Variants in UGT1A8 observed in about 807,000 individuals in gnomAD.
The protein encoded by UGT1A8 is UDP glucuronosyltransferase family 1 member A8, also known as UDP-glucuronosyltransferase 1A8.
In UGT1A8, 39 loss-of-function variants were observed where a neutral mutation model predicts 45.3. That is an observed-to-expected ratio of 0.86 (90% CI 0.67 to 1.12). The LOEUF is 1.12. UGT1A8 is among the 50% of genes most tolerant of loss of function. The pLI is 0.00. For missense variants in UGT1A8, 719 were observed against 664.9 expected (o/e 1.08, Z -0.90); for synonymous variants, 275 against 249.2 (o/e 1.10, Z -0.97).
chr2:233,693,591 A>C lies in UGT1A8; in HGVS notation c.856-73443A>C, dbSNP rs1484230221. 7 of 1,614,114 alleles carry C rather than the reference A, an allele frequency of 4.3e-6. No individual in the cohort carries two copies. The highest frequency in any genetic ancestry group is 5.9e-6 in the Non-Finnish European group (7 of 1,180,040). On this transcript the variant is annotated intron_variant, in intron 1 of 4. Coordinates refer to ENST00000373450, the MANE Select transcript of UGT1A8 (RefSeq NM_019076.5). Reference sequence around the variant, plus strand: ...CCTGTGTCCTACATTCCCAGGTGCTACACAAAGTTTTCAGACCACATGACT... The same window carrying C: ...CCTGTGTCCTACATTCCCAGGTGCTCCACAAAGTTTTCAGACCACATGACT...
At chr2:233,749,418 G>A (rs971310619) in intron 1 of UGT1A8, among the ~76,000 whole-genome samples, 1 of 151,768 alleles carries the variant, frequency 6.6e-6, no homozygotes, top group Non-Finnish European at 1.5e-5. Flanking sequence ...TAACTACATT[G>A]CTCAAAACTT....
intron 1 of UGT1A8, among the ~76,000 whole-genome samples, chr2:233,636,231 G>T (rs45520638): frequency 2.8e-5 from 4 of 143,490 alleles, no homozygotes; most frequent in Admixed American, 2.2e-4. Context: ...AGGTCCAAAA[G>T]CATTGCTGAA....
intron 1 of UGT1A8, chr2:233,719,231 G>C: frequency 6.2e-7 from 1 of 1,614,198 alleles, no homozygotes; most frequent in Middle Eastern, 1.6e-4. Context: ...ATGAGGCCCT[G>C]ATCAGGCACC....
chr2:233,715,336 GC>G (rs1476016122), intron 1 of UGT1A8, among the ~76,000 whole-genome samples: 1 of 152,010 alleles, frequency 6.6e-6, no homozygotes, highest in Admixed American at 6.6e-5. Flanking sequence ...TTAGATTGGT[GC>G]ATGTAGGTTT....
At chr2:233,707,076 G>A (rs2075939345) in intron 1 of UGT1A8, among the ~76,000 whole-genome samples, 1 of 152,120 alleles carries the variant, frequency 6.6e-6, no homozygotes, top group African/African-American at 2.4e-5. Context: ...ATCTGCATGT[G>A]CTCCACTTTG....
Position 233,673,533 on chromosome 2 carries a change from T to C in UGT1A8, c.855+54971T>C, listed in dbSNP as rs539148752. 2.6e-5 allele frequency among the ~76,000 whole-genome samples: 4 copies of C among 152,280 alleles called. No homozygotes were observed. The East Asian group carries it at 5.8e-4, about 22-fold the overall frequency. ...TACATGTAGGGTTACAGGATTTCCATGAATTGAGAAGGATTGGCATTTTTT... is the reference window on the plus strand; with the variant it reads ...TACATGTAGGGTTACAGGATTTCCACGAATTGAGAAGGATTGGCATTTTTT... On this transcript the variant is annotated intron_variant, in intron 1 of 4. Coordinates refer to ENST00000373450, the MANE Select transcript of UGT1A8 (RefSeq NM_019076.5).
chr2:233,742,782 C>G lies in UGT1A8; in HGVS notation c.856-24252C>G, dbSNP rs76952857. ...ATAATAAATGCATGTTGTTTTGAACCATCATTAAATTAAGCCAGAAGTATT... is the reference window on the plus strand; with the variant it reads ...ATAATAAATGCATGTTGTTTTGAACGATCATTAAATTAAGCCAGAAGTATT... On this transcript the variant is annotated intron_variant, in intron 1 of 4. Coordinates refer to ENST00000373450, the MANE Select transcript of UGT1A8 (RefSeq NM_019076.5). 2.0e-5 allele frequency: 3 copies of G among 152,908 alleles called. No individual in the cohort carries two copies. In the East Asian group the frequency reaches 5.8e-4, roughly 29 times the overall value. 9.5% of individuals were successfully genotyped at this position (152,908 alleles called of 1,614,324 possible). A position where few individuals can be genotyped will look rare whatever the true frequency, so the allele number is the denominator to read the frequency against.
chr2:233,718,539 A>G (rs2076661264), intron 1 of UGT1A8, among the ~76,000 whole-genome samples: 1 of 152,200 alleles, frequency 6.6e-6, no homozygotes, highest in African/African-American at 2.4e-5. Flanking sequence ...TGTGTTGGGA[A>G]TTGAATGAGA....
At chr2:233,623,046 T>G (rs2073037189) in intron 1 of UGT1A8, among the ~76,000 whole-genome samples, 1 of 152,094 alleles carries the variant, frequency 6.6e-6, no homozygotes, top group Non-Finnish European at 1.5e-5. Context: ...AGATATGTGG[T>G]GTTATTCCTG....
At chr2:233,760,900 A>G in intron 1 of UGT1A8, 1 of 1,613,770 alleles carries the variant, frequency 6.2e-7, no homozygotes, top group Non-Finnish European at 8.5e-7. Context: ...AGATCACATG[A>G]CCTTCCTGCA....
At chr2:233,718,634 G>A in intron 1 of UGT1A8, 1 of 1,457,400 alleles carries the variant, frequency 6.9e-7, no homozygotes, top group Non-Finnish European at 9.2e-7. Context: ...GTCTTTCCCA[G>A]GGTTGGGCCC....
rs1051929356 is a variant in UGT1A8, at chr2:233,682,576, C to T, written c.855+64014C>T. On this transcript the variant is annotated intron_variant, in intron 1 of 4. Transcript: ENST00000373450. ...AGAGAGTATGGAACCACATCATGCA[C>T]TTGGAGGAACATTTATTTTGCCCCT... The T allele has an allele frequency of 3.7e-6, 6 of 1,613,824 alleles. No homozygotes were observed. The African/African-American group carries it at 8.0e-5, about 22-fold the overall frequency.
At chr2:233,731,679 T>G (rs2078190648) in intron 1 of UGT1A8, among the ~76,000 whole-genome samples, 1 of 152,262 alleles carries the variant, frequency 6.6e-6, no homozygotes, top group East Asian at 1.9e-4. Flanking sequence ...TAATCCAGTC[T>G]ATCATTGATG....
chr2:233,706,252 G>A (rs2075898145), intron 1 of UGT1A8, among the ~76,000 whole-genome samples: 1 of 152,200 alleles, frequency 6.6e-6, no homozygotes, highest in African/African-American at 2.4e-5. Flanking sequence ...AGAGAACCAG[G>A]GCAGCTGGAT....
At chr2:233,648,761 G>C in intron 1 of UGT1A8, 1 of 721,000 alleles carries the variant, frequency 1.4e-6, no homozygotes, top group Non-Finnish European at 2.2e-6. Context: ...ACCACACCCA[G>C]CCTGGATGCC....
intron 1 of UGT1A8, chr2:233,648,157 C>T (rs1264404631): frequency 8.7e-7 from 1 of 1,155,066 alleles, no homozygotes; most frequent in Non-Finnish European, 1.2e-6. Flanking sequence ...CTTATTTTCT[C>T]TATTAATGAG....
At chr2:233,711,952 C>T (rs2076206674) in intron 1 of UGT1A8, among the ~76,000 whole-genome samples, 1 of 152,326 alleles carries the variant, frequency 6.6e-6, no homozygotes, top group African/African-American at 2.4e-5. Context: ...ACGTTTAATT[C>T]TCCATTTTGA....
chr2:233,624,922 A>G (rs1016185052), intron 1 of UGT1A8, among the ~76,000 whole-genome samples: 1 of 152,016 alleles, frequency 6.6e-6, no homozygotes, highest in African/African-American at 2.4e-5. Context: ...TTTTATTCCA[A>G]TTTTTAATTG....
rs371652390 is a variant in UGT1A8 at position 233,672,650 on chromosome 2, T to A, written c.855+54088T>A. The A allele has an allele frequency of 7.4e-6, 12 of 1,613,830 alleles. 1 individual carries two copies. The highest frequency in any genetic ancestry group is 1.0e-5 in the Non-Finnish European group (12 of 1,179,846). ...GCCTCTGAAATTCTCCAAACACCTG[T>A]TACGGAGTATGATCTCTACAGCCAC... is the stretch of plus-strand genomic sequence containing the variant. On this transcript the variant is annotated intron_variant, in intron 1 of 4. Coordinates refer to ENST00000373450, the MANE Select transcript of UGT1A8 (RefSeq NM_019076.5).
Sources: allele counts gnomAD v4.1 joint callset (sites outside exome capture counted in the v4.1 genomes callset), GRCh38; gene constraint gnomAD v4.1.1; transcripts MANE v1.5; gene names NCBI Gene and HGNC (gene_info 2026-07-23, HGNC 2026-07-21).